KAZN: variants seen among roughly 807,000 people sequenced by gnomAD.
KAZN encodes the protein kazrin.
KAZN carries 40 observed loss-of-function variants against 87.4 expected under a neutral mutation model. That is an observed-to-expected ratio of 0.46 (90% CI 0.36 to 0.60). The LOEUF (loss-of-function observed/expected upper bound fraction) is 0.60. KAZN is among the 20% of genes least tolerant of loss of function. The probability of loss-of-function intolerance (pLI) is 0.00; values close to 1 mark genes in which losing one functional copy is unlikely to be tolerated. For missense variants in KAZN, 898 were observed against 1,073.9 expected, an observed-to-expected ratio of 0.84 and a Z score of 2.29; for synonymous variants, 466 against 458.3, an observed-to-expected ratio of 1.02 and a Z score of -0.22.
chr1:14,055,022 T>C (rs1557437531), intron 1 of KAZN, among the ~76,000 whole-genome samples: 1 of 152,210 alleles, frequency 6.6e-6, no homozygotes, highest in South Asian at 2.1e-4. Flanking sequence ...CTATGGCCTC[T>C]ACTCACTAGA....
At chr1:15,108,403 G>T (rs1641371385) in intron 13 of KAZN, among the ~76,000 whole-genome samples, 1 of 152,178 alleles carries the variant, frequency 6.6e-6, no homozygotes, top group African/African-American at 2.4e-5. Context: ...CCACATTCTG[G>T]CTCCTCCGCC....
At chr1:14,221,273 T>C (rs2100500017) in intron 2 of KAZN, among the ~76,000 whole-genome samples, 1 of 152,294 alleles carries the variant, frequency 6.6e-6, no homozygotes, top group Admixed American at 6.5e-5. Flanking sequence ...AAGTATTGAA[T>C]TCTAAATATA....
intron 2 of KAZN, among the ~76,000 whole-genome samples, chr1:15,008,682 T>C (rs1023183244): frequency 3.3e-5 from 5 of 152,230 alleles, no homozygotes; most frequent in African/African-American, 1.2e-4. Context: ...TAAGGCTCTT[T>C]CTAGCTTGTC....
At chr1:14,351,272 AAAT>A (rs1322357003) in intron 2 of KAZN, among the ~76,000 whole-genome samples, 1 of 152,212 alleles carries the variant, frequency 6.6e-6, no homozygotes, top group Non-Finnish European at 1.5e-5. Context: ...TTTAATTCTA[AAAT>A]AATAATCAGG....
chr1:14,338,602 C>T lies in KAZN; in HGVS notation c.249+158010C>T, dbSNP rs754089568. Among the ~76,000 whole-genome samples the T allele has an allele frequency of 3.1e-5, 4 of 130,302 alleles. No individual in the cohort carries two copies. The South Asian group carries it at 7.5e-4, about 25-fold the overall frequency. 85.5% of individuals were successfully genotyped at this position (130,302 alleles called of 152,430 possible). On this transcript the variant is annotated intron_variant, in intron 2 of 16. Transcript: ENST00000636203. ...GGTGTCCTCAGAAATAAAAGAGAGGCGATGGAAGGAAATTTCCTTTTCTTG... is the reference window on the plus strand; with the variant it reads ...GGTGTCCTCAGAAATAAAAGAGAGGTGATGGAAGGAAATTTCCTTTTCTTG...
chr1:14,697,727 G>C (rs1641695798), intron 1 of KAZN, among the ~76,000 whole-genome samples: 1 of 152,192 alleles, frequency 6.6e-6, no homozygotes, highest in Admixed American at 6.5e-5. Flanking sequence ...TTTTGATAAA[G>C]GGAAGACCTG....
chr1:14,726,031 CTG>C (rs1204594842), intron 1 of KAZN, among the ~76,000 whole-genome samples: 1 of 152,212 alleles, frequency 6.6e-6, no homozygotes, highest in Non-Finnish European at 1.5e-5. Flanking sequence ...CTGTGAATGT[CTG>C]TGTTGGTGAC....
At chr1:14,068,524 G>A (rs1398963834) in intron 1 of KAZN, among the ~76,000 whole-genome samples, 1 of 152,108 alleles carries the variant, frequency 6.6e-6, no homozygotes, top group African/African-American at 2.4e-5. Flanking sequence ...ATCTCATCGG[G>A]GGATTCTACC....
intron 1 of KAZN, among the ~76,000 whole-genome samples, chr1:14,096,824 C>T (rs183187795): frequency 7.2e-5 from 11 of 152,148 alleles, no homozygotes; most frequent in East Asian, 1.9e-4. Context: ...CTCCTTAAAA[C>T]GGTAACAGGG....
chr1:14,108,617 C>T (rs1246776086), intron 1 of KAZN, among the ~76,000 whole-genome samples: 1 of 152,138 alleles, frequency 6.6e-6, no homozygotes, highest in Non-Finnish European at 1.5e-5. Flanking sequence ...TTCCAAAATA[C>T]CCAACTATCT....
chr1:15,087,718 A>G (rs1035131846), intron 8 of KAZN, among the ~76,000 whole-genome samples: 2 of 152,346 alleles, frequency 1.3e-5, no homozygotes, highest in East Asian at 3.9e-4. Context: ...AGCTAGCCAC[A>G]TTACATGTTC....
At chr1:14,240,287 C>G (rs1362689902) in intron 2 of KAZN, among the ~76,000 whole-genome samples, 1 of 152,226 alleles carries the variant, frequency 6.6e-6, no homozygotes, top group Non-Finnish European at 1.5e-5. Flanking sequence ...GTGAGGTCAG[C>G]TCCCTGGTAC....
intron 1 of KAZN, among the ~76,000 whole-genome samples, chr1:14,668,707 C>T (rs1639730527): frequency 1.3e-5 from 2 of 152,162 alleles, no homozygotes. Flanking sequence ...GCTCCCCAGG[C>T]CTCCGTAAGG....
intron 2 of KAZN, among the ~76,000 whole-genome samples, chr1:14,277,227 A>G (rs1652433278): frequency 6.6e-6 from 1 of 152,202 alleles, no homozygotes; most frequent in South Asian, 2.1e-4. Flanking sequence ...CCAACCCTGA[A>G]TTATTTTAAA....
At chr1:14,129,534 A>C (rs1333664582) in intron 1 of KAZN, among the ~76,000 whole-genome samples, 2 of 152,120 alleles carry the variant, frequency 1.3e-5, no homozygotes, top group Non-Finnish European at 2.9e-5. Flanking sequence ...GGCAAGAGGG[A>C]TGGGCTCCTG....
At chr1:14,441,267 AT>A (rs556999022) in intron 2 of KAZN, among the ~76,000 whole-genome samples, 101 of 151,334 alleles carry the variant, frequency 6.7e-4, no homozygotes, top group African/African-American at 1.8e-3. Context: ...ATACTCATAT[AT>A]ATATATATAT....
At chr1:14,413,593 GAAAAA>G (rs1169921344) in intron 2 of KAZN, among the ~76,000 whole-genome samples, 37 of 66,096 alleles carry the variant, frequency 5.6e-4, no homozygotes, top group Admixed American at 1.8e-3. Flanking sequence ...CGTCTCAAAA[GAAAAA>G]AAAAAAAAAA....
chr1:14,888,061 C>T (rs1308444566), intron 1 of KAZN, among the ~76,000 whole-genome samples: 1 of 152,090 alleles, frequency 6.6e-6, no homozygotes, highest in Non-Finnish European at 1.5e-5. Context: ...CCATGCAGCA[C>T]CATTTGTCCT....
intron 2 of KAZN, among the ~76,000 whole-genome samples, chr1:14,222,440 T>G (rs1647125135): frequency 2.0e-5 from 3 of 152,234 alleles, no homozygotes; most frequent in Admixed American, 1.3e-4. Context: ...TCGCTTTTCT[T>G]GGATACCACT....
Sources: allele counts gnomAD v4.1 joint callset (sites outside exome capture counted in the v4.1 genomes callset), GRCh38; gene constraint gnomAD v4.1.1; transcripts MANE v1.5; gene names NCBI Gene and HGNC (gene_info 2026-07-23, HGNC 2026-07-21).